The following GAB1 variants were observed in gnomAD, a reference collection of about 807,000 sequenced individuals.
GAB1 encodes GRB2 associated binding protein 1, also known as GRB2-associated-binding protein 1.
In GAB1, 19 loss-of-function variants were observed where a neutral mutation model predicts 66.5. The ratio of observed to expected loss-of-function variants is 0.29; its 90% confidence interval spans 0.20 to 0.42. The LOEUF (loss-of-function observed/expected upper bound fraction) is 0.42, where lower values mean the gene tolerates loss of function less well. Among genes scored for constraint, GAB1 ranks in the 10% least tolerant of loss-of-function variants. GAB1 has a pLI of 1.00. For missense variants in GAB1, 732 were observed against 858.5 expected, an observed-to-expected ratio of 0.85 and a Z score of 1.84; for synonymous variants, 294 against 301.4, an observed-to-expected ratio of 0.98 and a Z score of 0.25.
chr4:143,415,704 C>T lies in GAB1; in HGVS notation c.300C>T (p.Ser100=), dbSNP rs373347675. Residue 100 remains serine (S), a synonymous_variant, in exon 2 of 10, where the codon AGC becomes AGT. Transcript: ENST00000262994. ...GGATTTTCTACTTGGTAGCAGACAG[C>T]GAGGAGGAGATGAATAAGTGGGTTC... ...IDRIFYLVAD[S]EEEMNKWVRC... 1.8e-5 allele frequency: 29 copies of T among 1,613,780 alleles called. No homozygotes were observed. Among genetic ancestry groups the T allele is most frequent in the Middle Eastern group, 3.3e-4 (2 of 6,060 alleles).
intron 1 of GAB1, among the ~76,000 whole-genome samples, chr4:143,393,560 ATGTC>A (rs1291159490): frequency 6.6e-6 from 1 of 152,242 alleles, no homozygotes; most frequent in Non-Finnish European, 1.5e-5. Flanking sequence ...GCATAGAACA[ATGTC>A]TGGTACTTAA....
intron 2 of GAB1, chr4:143,424,724 A>C (rs1733231685): frequency 5.4e-6 from 1 of 185,370 alleles, no homozygotes; most frequent in African/African-American, 2.4e-5. Context: ...TGAGAGGCCG[A>C]GGCAGATGGA....
intron 1 of GAB1, among the ~76,000 whole-genome samples, chr4:143,352,933 T>G (rs1028896511): frequency 6.6e-6 from 1 of 152,116 alleles, no homozygotes; most frequent in Non-Finnish European, 1.5e-5. Flanking sequence ...GACGACATAT[T>G]GAGAGGATTA....
intron 1 of GAB1, among the ~76,000 whole-genome samples, chr4:143,372,017 C>T (rs928800475): frequency 2.6e-4 from 39 of 152,086 alleles, no homozygotes; most frequent in African/African-American, 9.4e-4. Flanking sequence ...TTATGGAGAG[C>T]AAAATTTTAC....
chr4:143,350,014 C>G, intron 1 of GAB1: 1 of 1,562,904 alleles, frequency 6.4e-7, no homozygotes. Flanking sequence ...GCGACCCCGG[C>G]CCCGGATGCC....
intron 1 of GAB1, among the ~76,000 whole-genome samples, chr4:143,387,374 A>T (rs1730968636): frequency 6.6e-6 from 1 of 152,156 alleles, no homozygotes; most frequent in South Asian, 2.1e-4. Context: ...CAGGTGATCC[A>T]CCTGCCTTGG....
chr4:143,414,814 A>G (rs1435107165), intron 1 of GAB1, among the ~76,000 whole-genome samples: 1 of 152,240 alleles, frequency 6.6e-6, no homozygotes, highest in Non-Finnish European at 1.5e-5. Context: ...TATACATAAC[A>G]TAAAATTTAT....
At chr4:143,365,259 G>T (rs1387536276) in intron 1 of GAB1, among the ~76,000 whole-genome samples, 1 of 152,064 alleles carries the variant, frequency 6.6e-6, no homozygotes, top group East Asian at 1.9e-4. Context: ...GAAGGAGGGG[G>T]AAATGATACC....
chr4:143,391,943 G>C (rs1731206882), intron 1 of GAB1, among the ~76,000 whole-genome samples: 1 of 152,092 alleles, frequency 6.6e-6, no homozygotes, highest in Admixed American at 6.6e-5. Flanking sequence ...CTTTATTCTT[G>C]TGTTTTTAGC....
intron 1 of GAB1, among the ~76,000 whole-genome samples, chr4:143,396,650 G>T (rs1036815085): frequency 1.3e-5 from 2 of 152,170 alleles, no homozygotes; most frequent in African/African-American, 4.8e-5. Context: ...GAAATATGGG[G>T]TTTCTCTTTC....
At chr4:143,340,346 A>C (rs1728786635) in intron 1 of GAB1, among the ~76,000 whole-genome samples, 1 of 152,120 alleles carries the variant, frequency 6.6e-6, no homozygotes, top group Admixed American at 6.6e-5. Context: ...ATAATTATTA[A>C]ATGAGACTTC....
chr4:143,358,537 G>A (rs952579727), intron 1 of GAB1, among the ~76,000 whole-genome samples: 4 of 152,180 alleles, frequency 2.6e-5, no homozygotes, highest in African/African-American at 9.7e-5. Context: ...TGAAGGTGGT[G>A]AATATAAAAT....
chr4:143,352,844 G>C (rs1729284286), intron 1 of GAB1, among the ~76,000 whole-genome samples: 1 of 152,186 alleles, frequency 6.6e-6, no homozygotes. Flanking sequence ...GAGATGAAGG[G>C]AGTGAGTATG....
chr4:143,405,802 C>A (rs777518607), intron 1 of GAB1, among the ~76,000 whole-genome samples: 2 of 152,118 alleles, frequency 1.3e-5, no homozygotes, highest in Non-Finnish European at 2.9e-5. Flanking sequence ...GTCAGCTTGA[C>A]CTGGCCGAGG....
At chr4:143,468,325 C>T (rs1400835287) in intron 9 of GAB1, among the ~76,000 whole-genome samples, 1 of 149,262 alleles carries the variant, frequency 6.7e-6, no homozygotes, top group Non-Finnish European at 1.5e-5. Context: ...AGCCATTCTC[C>T]TGCCTCAGCC....
intron 2 of GAB1, among the ~76,000 whole-genome samples, chr4:143,418,918 A>G (rs1732856248): frequency 6.6e-6 from 1 of 152,178 alleles, no homozygotes; most frequent in African/African-American, 2.4e-5. Flanking sequence ...GATTCTTATC[A>G]TTTGGGAGCC....
At chr4:143,397,996 C>G (rs1003212630) in intron 1 of GAB1, among the ~76,000 whole-genome samples, 1 of 152,142 alleles carries the variant, frequency 6.6e-6, no homozygotes, top group African/African-American at 2.4e-5. Flanking sequence ...CTCATGCCTC[C>G]CATCTTCCGT....
intron 1 of GAB1, among the ~76,000 whole-genome samples, chr4:143,396,950 G>A (rs1474024848): frequency 6.6e-6 from 1 of 152,182 alleles, no homozygotes; most frequent in Non-Finnish European, 1.5e-5. Flanking sequence ...GAGAGTGAGT[G>A]GGGGTTAGGT....
intron 1 of GAB1, among the ~76,000 whole-genome samples, chr4:143,375,888 C>T (rs75987522): frequency 3.6e-4 from 55 of 152,206 alleles, no homozygotes; most frequent in Non-Finnish European, 7.4e-4. Flanking sequence ...GCTGTGACAA[C>T]AAAAATGTCT....
Sources: allele counts gnomAD v4.1 joint callset (sites outside exome capture counted in the v4.1 genomes callset), GRCh38; gene constraint gnomAD v4.1.1; transcripts MANE v1.5; gene names NCBI Gene and HGNC (gene_info 2026-07-23, HGNC 2026-07-21).